The following SUSD4 variants were observed in gnomAD, a reference collection of about 807,000 sequenced individuals.
SUSD4 encodes sushi domain containing 4, also known as sushi domain-containing protein 4.
Under a neutral mutation model 50.5 loss-of-function variants are expected in SUSD4, and 41 were observed. That is an observed-to-expected ratio of 0.81 (90% CI 0.63 to 1.05). The LOEUF is 1.05. Among genes scored for constraint, SUSD4 ranks in the 50% least tolerant of loss-of-function variants. The pLI, the probability that SUSD4 is intolerant of heterozygous loss-of-function variation, is 0.00. For missense variants in SUSD4, 580 were observed against 634.7 expected, an observed-to-expected ratio of 0.91 and a Z score of 0.93; for synonymous variants, 257 against 257.3, an observed-to-expected ratio of 1.00 and a Z score of 0.01.
At chr1:223,358,265 T>C (rs1258327184) in intron 2 of SUSD4, among the ~76,000 whole-genome samples, 1 of 151,900 alleles carries the variant, frequency 6.6e-6, no homozygotes, top group Non-Finnish European at 1.5e-5. Context: ...GATGGATGGA[T>C]GGATGGGTGG....
At chr1:223,338,287 G>A (rs941131264) in intron 2 of SUSD4, among the ~76,000 whole-genome samples, 1 of 152,186 alleles carries the variant, frequency 6.6e-6, no homozygotes, top group African/African-American at 2.4e-5. Flanking sequence ...GCTGTTCTCA[G>A]CCGAATTTCT....
chr1:223,228,735 G>A (rs922991046), intron 6 of SUSD4, among the ~76,000 whole-genome samples: 7 of 152,090 alleles, frequency 4.6e-5, no homozygotes, highest in African/African-American at 1.2e-4. Context: ...AAAGTTATGC[G>A]TTGCTTGGGT....
chr1:223,236,556 T>G (rs562781538), intron 5 of SUSD4, among the ~76,000 whole-genome samples: 112 of 152,136 alleles, frequency 7.4e-4, no homozygotes, highest in South Asian at 3.7e-3. Context: ...CTTTTTTTTT[T>G]TTTGTTTTTG....
At chr1:223,363,587 G>A in intron 1 of SUSD4, 127 bp from the exon 2 acceptor site, 1 of 1,147,106 alleles carries the variant, frequency 8.7e-7, no homozygotes. Flanking sequence ...TCCCCCGCGC[G>A]GCCCCCGCCC....
chr1:223,307,327 C>T (rs1665598318), intron 2 of SUSD4, among the ~76,000 whole-genome samples: 1 of 152,196 alleles, frequency 6.6e-6, no homozygotes, highest in African/African-American at 2.4e-5. Context: ...TACTAAAATA[C>T]GTTTTCCACA....
intron 5 of SUSD4, among the ~76,000 whole-genome samples, chr1:223,238,502 C>T (rs2103017257): frequency 6.6e-6 from 1 of 152,070 alleles, no homozygotes; most frequent in East Asian, 1.9e-4. Context: ...TTCATCTAGG[C>T]ACTGCTTTCA....
At chr1:223,256,036 C>A (rs181873753) in intron 5 of SUSD4, among the ~76,000 whole-genome samples, 1 of 152,244 alleles carries the variant, frequency 6.6e-6, no homozygotes, top group African/African-American at 2.4e-5. Flanking sequence ...CTGGTTGGCA[C>A]CAGCGCCTTG....
chr1:223,361,077 A>C (rs1418771191), intron 2 of SUSD4, among the ~76,000 whole-genome samples: 1 of 152,210 alleles, frequency 6.6e-6, no homozygotes, highest in African/African-American at 2.4e-5. Flanking sequence ...AGACCAAATG[A>C]ATCAGCATCC....
intron 2 of SUSD4, among the ~76,000 whole-genome samples, chr1:223,343,435 T>A (rs962069385): frequency 1.3e-5 from 2 of 152,174 alleles, no homozygotes; most frequent in Non-Finnish European, 2.9e-5. Context: ...TGCTGACCAG[T>A]GCATGTGCAG....
At chr1:223,297,790 T>C (rs1238355409) in intron 2 of SUSD4, among the ~76,000 whole-genome samples, 1 of 152,188 alleles carries the variant, frequency 6.6e-6, no homozygotes, top group African/African-American at 2.4e-5. Context: ...GTAGGTCTTA[T>C]TCTTCACCTC....
intron 2 of SUSD4, among the ~76,000 whole-genome samples, chr1:223,357,383 GA>G (rs1271670226): frequency 1.3e-5 from 2 of 151,974 alleles, no homozygotes; most frequent in African/African-American, 2.4e-5. Context: ...ACAATACAAA[GA>G]AAAAAATGTA....
At position 223,363,282 on chromosome 1, in the gene SUSD4, C is replaced by T; in HGVS notation, c.144G>A (p.Thr48=). 6.3e-7 allele frequency: 1 copy of T among 1,597,278 alleles called. No homozygotes were observed. The highest frequency in any genetic ancestry group is 8.5e-7 in the Non-Finnish European group (1 of 1,171,268). ...CACCACAGCTGGGTCACTCACCGCC[C>T]GTGAGCTGTGCAGGGCCGAAGCACA... ...LALCFGPAQL[T]GGFDDLQVCA... Residue 48 remains threonine, a synonymous_variant, in exon 2 of 9, where the codon ACG becomes ACA. Transcript: ENST00000366878.
rs1669103176 is a variant in SUSD4, at chr1:223,363,259, C to A, written c.148+19G>T. 3 of 1,560,130 alleles carry A rather than the reference C, an allele frequency of 1.9e-6. No individual in the cohort carries two copies. Among genetic ancestry groups the A allele is most frequent in the East Asian group, 4.6e-5 (2 of 43,756 alleles). ...TCTGGGCCATCCCCAGGCCCTCCCA[C>A]CACAGCTGGGTCACTCACCGCCCGT... On this transcript the variant is annotated intron_variant, in intron 2 of 8. Transcript: ENST00000366878.
Position 223,229,587 on chromosome 1 carries a change from G to A in SUSD4, c.725-199C>T, listed in dbSNP as rs908096338. Reference sequence around the variant, plus strand: ...GAATGGAAGCCTGCTGTAATATTCTGAGCACGTGCCGTTGTGACATGGCAT... The same window carrying A: ...GAATGGAAGCCTGCTGTAATATTCTAAGCACGTGCCGTTGTGACATGGCAT... On this transcript the variant is annotated intron_variant, in intron 5 of 8. Coordinates refer to ENST00000366878, the MANE Select transcript of SUSD4 (RefSeq NM_017982.4). This position sits in a 1 kb window ranked among gnomAD's most constrained non-coding sequence, Gnocchi z 4.7. 7.5e-6 allele frequency: 4 copies of A among 530,270 alleles called. No individual in the cohort carries two copies. The highest frequency in any genetic ancestry group is 3.7e-5 in the African/African-American group (2 of 53,432). The allele number at this position is 530,270 out of a possible 1,614,324, so 32.8% of individuals were successfully genotyped here.
At chr1:223,344,150 T>G (rs575313400) in intron 2 of SUSD4, among the ~76,000 whole-genome samples, 1 of 152,194 alleles carries the variant, frequency 6.6e-6, no homozygotes, top group East Asian at 1.9e-4. Context: ...AATAAATATA[T>G]ACAGACAGCC....
At chr1:223,362,363 A>C (rs1669034569) in intron 2 of SUSD4, among the ~76,000 whole-genome samples, 2 of 152,320 alleles carry the variant, frequency 1.3e-5, no homozygotes, top group African/African-American at 2.4e-5. Flanking sequence ...TAATTTATTT[A>C]TATATTAACA....
intron 2 of SUSD4, among the ~76,000 whole-genome samples, chr1:223,300,438 T>A (rs1011272323): frequency 2.6e-5 from 4 of 152,220 alleles, no homozygotes; most frequent in African/African-American, 9.6e-5. Context: ...TTGAGCCTGC[T>A]GAAACCTACC....
chr1:223,276,907 G>GA (rs34340063), intron 3 of SUSD4, among the ~76,000 whole-genome samples: 22 of 150,662 alleles, frequency 1.5e-4, no homozygotes, highest in African/African-American at 3.9e-4. Context: ...ATGCACATGA[G>GA]AAAAAAAAAA....
chr1:223,283,491 C>CA (rs1663904386), intron 3 of SUSD4, among the ~76,000 whole-genome samples: 1 of 152,220 alleles, frequency 6.6e-6, no homozygotes, highest in African/African-American at 2.4e-5. Flanking sequence ...TGCTCATCAT[C>CA]ACTGGCCATC....
Sources: gnomAD v4.1 joint callset for allele counts (sites outside exome capture counted in the v4.1 genomes callset) on GRCh38, gnomAD v4.1.1 for gene constraint, Gnocchi (gnomAD v3.1) non-coding constraint, MANE v1.5 for transcripts, NCBI Gene and HGNC (gene_info 2026-07-23, HGNC 2026-07-21) for gene names.